Variants in BRIX1 observed in about 807,000 individuals in gnomAD.
BRIX1 encodes biogenesis of ribosomes BRX1, also known as ribosome biogenesis protein BRX1 homolog.
A neutral mutation model predicts 44.0 loss-of-function variants in BRIX1; 15 were observed. That is an observed-to-expected ratio of 0.34 (90% CI 0.23 to 0.53). The LOEUF is 0.53. BRIX1 is among the 20% of genes least tolerant of loss of function. The pLI is 0.95. For synonymous variants in BRIX1, 149 were observed against 135.4 expected (o/e 1.10, Z -0.70); for missense variants, 420 against 432.8 (o/e 0.97, Z 0.26).
chr5:34,925,316 A>G lies in BRIX1; in HGVS notation c.883A>G (p.Lys295Glu), dbSNP rs752469353. ...DVQKLRKKEP[K>E]TLLPHDPTAD... ...GCAAAAACTGAGAAAGAAAGAGCCG[A>G]AGACTCTTCTTCCACATGATCCCAC... The change falls in exon 10 of 10, where the codon AAG becomes GAG. Residue 295 changes from lysine to glutamate, a missense_variant. Coordinates refer to ENST00000336767, the MANE Select transcript of BRIX1 (RefSeq NM_018321.4). 6.2e-7 allele frequency: 1 copy of G among 1,613,950 alleles called. No homozygotes were observed. Among genetic ancestry groups the G allele is most frequent in the Non-Finnish European group, 8.5e-7 (1 of 1,179,954 alleles).
intron 1 of BRIX1, 100 bp from the exon 2 acceptor site, chr5:34,918,264 G>A (rs1266742580): frequency 3.4e-5 from 20 of 594,436 alleles, no homozygotes; most frequent in Middle Eastern, 4.1e-4. Flanking sequence ...GCAGTGAGCC[G>A]TGAGCACTTC....
At position 34,916,049 on chromosome 5, in the gene BRIX1, A is replaced by G; in HGVS notation, c.159+152A>G. ...AGCAATTCTCCCGGCCAGACTGGGCACGGAGTTTGCAGCTAATCCTTGTGC... is the reference window on the plus strand; with the variant it reads ...AGCAATTCTCCCGGCCAGACTGGGCGCGGAGTTTGCAGCTAATCCTTGTGC... On this transcript the variant is annotated intron_variant, in intron 1 of 9. Coordinates refer to ENST00000336767, the MANE Select transcript of BRIX1 (RefSeq NM_018321.4). 16 of 904,968 alleles carry G rather than the reference A, an allele frequency of 1.8e-5. No individual in the cohort carries two copies. The South Asian group carries it at 3.2e-4, about 18-fold the overall frequency. The allele number at this position is 904,968 out of a possible 1,614,324, so 56.1% of individuals were successfully genotyped here.
intron 3 of BRIX1, 184 bp from the exon 4 acceptor site, chr5:34,922,033 T>TG: frequency 2.7e-6 from 1 of 371,860 alleles, no homozygotes; most frequent in Non-Finnish European, 4.8e-6. Context: ...TAGTTTACCT[T>TG]GGGTAGAATA....
At position 34,918,817 on chromosome 5, in the gene BRIX1, C is replaced by CTT. The variant is rs34618448; in HGVS notation, c.271+358_271+359dup. ...GACTGCCACATGTTGCTTTTTGGGC[C>CTT]TTTTTTTTTTTTTTTTTAACTGTTT... is the stretch of plus-strand genomic sequence containing the variant. On this transcript the variant is annotated intron_variant, in intron 2 of 9. Transcript: ENST00000336767. 3.8e-3 allele frequency: 503 copies of CTT among 132,334 alleles called. 2 individuals carry two copies. Among genetic ancestry groups the CTT allele is most frequent in the African/African-American group, 7.7e-3 (266 of 34,552 alleles). The allele number at this position is 132,334 out of a possible 1,614,324, so 8.2% of individuals were successfully genotyped here.
chr5:34,922,799 A>AT (rs1764268719), intron 6 of BRIX1, 31 bp downstream of exon 6: 1 of 1,578,642 alleles, frequency 6.3e-7, no homozygotes, highest in Non-Finnish European at 8.7e-7. Context: ...ATGAGGTCTA[A>AT]TTTTCTTATC....
At chr5:34,920,069 G>A (rs1385231412) in intron 3 of BRIX1, 186 bp downstream of exon 3, 9 of 406,948 alleles carry the variant, frequency 2.2e-5, no homozygotes, top group Non-Finnish European at 2.7e-5. Context: ...ATTCATTTCT[G>A]TTTGTTTTGT....
chr5:34,921,452 A>G (rs1382558094), intron 3 of BRIX1: 1 of 152,248 alleles, frequency 6.6e-6, no homozygotes, highest in African/African-American at 2.4e-5. Flanking sequence ...CAAAATAATC[A>G]TTAAAAAGGA....
At position 34,918,437 on chromosome 5, in the gene BRIX1, T is replaced by C; in HGVS notation, c.233T>C (p.Met78Thr). Residue 78 changes from methionine to threonine, a missense_variant, in exon 2 of 10, where the codon ATG becomes ACG. Physicochemically the swap from Met to Thr is moderately conservative, Grantham distance 81. Coordinates refer to ENST00000336767, the MANE Select transcript of BRIX1 (RefSeq NM_018321.4). The stretch of plus-strand genomic sequence containing the variant: ...ATAAATTTTAGAACAAGACATTTAA[T>C]GCAGGACTTGAGAATGTTGATGCCT... ...RGINFRTRHLMQDLRMLMPHS... is the reference protein window; with the variant it reads ...RGINFRTRHLTQDLRMLMPHS... The C allele has an allele frequency of 6.2e-7, 1 of 1,610,712 alleles. No individual in the cohort carries two copies. Among genetic ancestry groups the C allele is most frequent in the Non-Finnish European group, 8.5e-7 (1 of 1,177,774 alleles).
Position 34,919,340 on chromosome 5 carries a change from T to G in BRIX1, c.272-500T>G, listed in dbSNP as rs538710623. On this transcript the variant is annotated intron_variant, in intron 2 of 9. Coordinates refer to ENST00000336767, the MANE Select transcript of BRIX1 (RefSeq NM_018321.4). Reference sequence around the variant, plus strand: ...AGTGGCAGCGCCATCATATGGCTGTTGTTGTGCTTATGTTGAGAGGTGCTT... The same window carrying G: ...AGTGGCAGCGCCATCATATGGCTGTGGTTGTGCTTATGTTGAGAGGTGCTT... 4.0e-5 allele frequency among the ~76,000 whole-genome samples: 6 copies of G among 150,982 alleles called. No individual in the cohort carries two copies. The East Asian group carries it at 9.7e-4, about 25-fold the overall frequency.
chr5:34,925,193 C>T, intron 9 of BRIX1, 33 bp from the exon 10 acceptor site: 1 of 1,500,704 alleles, frequency 6.7e-7, no homozygotes, highest in South Asian at 1.3e-5. Flanking sequence ...ATTTTTATTT[C>T]AAAAGCATCT....
rs561121294 is a variant in BRIX1, at chr5:34,917,890, A to C, written c.160-474A>C. 1.1e-4 allele frequency among the ~76,000 whole-genome samples: 16 copies of C among 152,252 alleles called. No homozygotes were observed. In the East Asian group the frequency reaches 2.5e-3, roughly 24 times the overall value. On this transcript the variant is annotated intron_variant, in intron 1 of 9. Transcript: ENST00000336767. The stretch of plus-strand genomic sequence containing the variant: ...TGGAAGGAGGAATTGGAGAGATTGA[A>C]GTTGAAAAACAAAGAAACCAAGGAG...
intron 1 of BRIX1, chr5:34,916,246 T>A (rs1421715698): frequency 5.5e-6 from 1 of 181,512 alleles, no homozygotes; most frequent in African/African-American, 2.4e-5. Context: ...TCGCTATTAT[T>A]TCTCCAGTGA....
At chr5:34,922,351 A>T in intron 4 of BRIX1, 64 bp downstream of exon 4, 1 of 1,095,082 alleles carries the variant, frequency 9.1e-7, no homozygotes, top group Non-Finnish European at 1.4e-6. Context: ...TGTACCTTTT[A>T]TGTTATAGAC....
intron 8 of BRIX1, among the ~76,000 whole-genome samples, chr5:34,924,465 A>G (rs940507426): frequency 3.9e-5 from 6 of 152,226 alleles, no homozygotes; most frequent in Non-Finnish European, 8.8e-5. Flanking sequence ...GATTTATAAA[A>G]ACAATTTAGG....
Position 34,915,893 on chromosome 5 carries a change from G to C in BRIX1, c.155G>C (p.Cys52Ser). Residue 52 changes from cysteine to serine, a missense_variant, in exon 1 of 10, where the codon TGC becomes TCC. Physicochemically the swap from Cys to Ser is moderately radical, Grantham distance 112. Coordinates refer to ENST00000336767, the MANE Select transcript of BRIX1 (RefSeq NM_018321.4). ...AGGGACCGGATCCCAGGCCCCGTTTGCAAGGTAGGAGGGGATGTCCCCGGG... is the reference window on the plus strand; with the variant it reads ...AGGGACCGGATCCCAGGCCCCGTTTCCAAGGTAGGAGGGGATGTCCCCGGG... ...EERDRIPGPV[C>S]KGKWKNKERI... The C allele has an allele frequency of 6.4e-7, 1 of 1,553,338 alleles. No individual in the cohort carries two copies. The highest frequency in any genetic ancestry group is 8.7e-7 in the Non-Finnish European group (1 of 1,148,534).
rs779280910 is a variant in BRIX1 at position 34,922,677 on chromosome 5, T to C, written c.437-18T>C. 6.2e-7 allele frequency: 1 copy of C among 1,611,402 alleles called. No homozygotes were observed. Among genetic ancestry groups the C allele is most frequent in the Non-Finnish European group, 8.5e-7 (1 of 1,178,120 alleles). On this transcript the variant is annotated intron_variant, in intron 5 of 9. Transcript: ENST00000336767. ...GCAAAAGTTACAACTATTTTTGTTTTTGTTGTAATTTTTCTAGTTCATACC... is the reference window on the plus strand; with the variant it reads ...GCAAAAGTTACAACTATTTTTGTTTCTGTTGTAATTTTTCTAGTTCATACC...
Position 34,925,354 on chromosome 5 carries a change from T to G in BRIX1, c.921T>G (p.Phe307Leu), listed in dbSNP as rs780759555. ...CACATGATCCCACTGCAGATGTTTT[T>G]GTAACACCAGCTGAGGAGAAACCAA... ...LLPHDPTADV[F>L]VTPAEEKPIE... The change falls in exon 10 of 10, where the codon TTT (phenylalanine) becomes TTG (leucine). Residue 307 changes from phenylalanine to leucine, a missense_variant. By Grantham distance (22) the Phe-to-Leu change is conservative. Transcript: ENST00000336767. 5 of 1,614,046 alleles carry G rather than the reference T, an allele frequency of 3.1e-6. No homozygotes were observed. The South Asian group carries it at 5.5e-5, about 18-fold the overall frequency.
At chr5:34,923,835 A>G (rs1286538624) in intron 8 of BRIX1, among the ~76,000 whole-genome samples, 1 of 152,210 alleles carries the variant, frequency 6.6e-6, no homozygotes, top group Non-Finnish European at 1.5e-5. Flanking sequence ...GTACTGTCTT[A>G]TATCTTAAGT....
chr5:34,919,965 T>A (rs1253363936), intron 3 of BRIX1, 82 bp downstream of exon 3: 5 of 580,114 alleles, frequency 8.6e-6, no homozygotes, highest in Non-Finnish European at 1.5e-5. Flanking sequence ...TTCAGTGACT[T>A]TAAAAATTAT....
Sources: gnomAD v4.1 joint callset for allele counts (sites outside exome capture counted in the v4.1 genomes callset) on GRCh38, gnomAD v4.1.1 for gene constraint, MANE v1.5 for transcripts, NCBI Gene and HGNC (gene_info 2026-07-23, HGNC 2026-07-21) for gene names.